Variants in SCEL observed in about 807,000 individuals in gnomAD.
SCEL encodes the protein sciellin.
A neutral mutation model predicts 117.6 loss-of-function variants in SCEL; 113 were observed. That is an observed-to-expected ratio of 0.96 (90% CI 0.83 to 1.12). The LOEUF is 1.12. SCEL is among the 50% of genes most tolerant of loss of function. The pLI, the probability that SCEL is intolerant of heterozygous loss-of-function variation, is 0.00. For missense variants in SCEL, 785 were observed against 810.8 expected (o/e 0.97, Z 0.39); for synonymous variants, 270 against 256.2 (o/e 1.05, Z -0.51).
intron 16 of SCEL, 91 bp from the exon 17 acceptor site, chr13:77,602,563 G>T: frequency 9.2e-7 from 1 of 1,090,646 alleles, no homozygotes; most frequent in South Asian, 1.3e-5. Flanking sequence ...GAAAACACCT[G>T]ACACCACATT....
At chr13:77,605,296 C>T (rs1020653384) in intron 19 of SCEL, among the ~76,000 whole-genome samples, 20 of 152,146 alleles carry the variant, frequency 1.3e-4, no homozygotes, top group African/African-American at 4.8e-4. Context: ...AGCTGGTGTG[C>T]ACACTATCAT....
chr13:77,554,700 G>A (rs1417961850), intron 1 of SCEL, among the ~76,000 whole-genome samples: 1 of 152,152 alleles, frequency 6.6e-6, no homozygotes, highest in Non-Finnish European at 1.5e-5. Flanking sequence ...GAAGTAGATG[G>A]CAGGTTTCAA....
Position 77,589,203 on chromosome 13 carries a change from A to C in SCEL, c.605A>C (p.Asn202Thr), listed in dbSNP as rs759987558. The C allele has an allele frequency of 1.9e-6, 3 of 1,611,818 alleles. No individual in the cohort carries two copies. Among genetic ancestry groups the C allele is most frequent in the Non-Finnish European group, 2.5e-6 (3 of 1,178,008 alleles). ...CCCAGTTCTCCTGTTTCTTCTCCTA[A>C]CCAGCTGAGACAGGATAATAGGTAA... Reference protein sequence around the residue: ...PKPSSPVSSPNQLRQDNRQIH... With the variant: ...PKPSSPVSSPTQLRQDNRQIH... The change falls in exon 10 of 33, where the codon AAC (asparagine) becomes ACC (threonine). Residue 202 changes from asparagine (N) to threonine (T), a missense_variant. Transcript: ENST00000349847.
chr13:77,594,239 G>T (rs182491689), intron 12 of SCEL, among the ~76,000 whole-genome samples: 1 of 152,252 alleles, frequency 6.6e-6, no homozygotes, highest in Admixed American at 6.5e-5. Flanking sequence ...CACTGAACCA[G>T]ATCCACATTG....
chr13:77,636,848 T>G (rs1177038579), intron 29 of SCEL, among the ~76,000 whole-genome samples: 1 of 152,188 alleles, frequency 6.6e-6, no homozygotes, highest in Non-Finnish European at 1.5e-5. Flanking sequence ...CAAGTATAAA[T>G]TTCATGAAAG....
chr13:77,577,412 C>A (rs1390019533), intron 9 of SCEL, among the ~76,000 whole-genome samples: 1 of 152,030 alleles, frequency 6.6e-6, no homozygotes, highest in Non-Finnish European at 1.5e-5. Context: ...GGATGCCAGA[C>A]ACTTATAAAA....
chr13:77,542,192 G>A (rs575817659), intron 1 of SCEL, among the ~76,000 whole-genome samples: 1 of 152,318 alleles, frequency 6.6e-6, no homozygotes, highest in Admixed American at 6.5e-5. Context: ...CACGAGGTCA[G>A]GAGTTAGAGA....
chr13:77,628,083 G>GATTATATATATAAAATATAAT (rs2084547223), intron 28 of SCEL, 74 bp downstream of exon 28: 3 of 346,150 alleles, frequency 8.7e-6, no homozygotes, highest in Admixed American at 4.2e-5. Flanking sequence ...AGCCTTAGAA[G>GATTATATATATAAAATATAAT]ATTATATATA....
intron 11 of SCEL, among the ~76,000 whole-genome samples, chr13:77,592,914 C>T (rs1349608876): frequency 6.6e-6 from 1 of 152,076 alleles, no homozygotes; most frequent in Admixed American, 6.6e-5. Context: ...CTTTTATGAT[C>T]CAGGGATATT....
intron 23 of SCEL, 66 bp downstream of exon 23, chr13:77,613,007 A>T (rs2088775775): frequency 1.1e-6 from 1 of 930,126 alleles, no homozygotes; most frequent in South Asian, 1.6e-5. Context: ...AAATAAGATT[A>T]ATTATTTAAC....
chr13:77,624,886 G>T (rs2089648726), intron 27 of SCEL, among the ~76,000 whole-genome samples: 1 of 152,168 alleles, frequency 6.6e-6, no homozygotes, highest in Admixed American at 6.5e-5. Context: ...GGATAAGGTT[G>T]TAAGAGGTTT....
At chr13:77,602,906 G>A in intron 17 of SCEL, 170 bp from the exon 18 acceptor site, 1 of 620,134 alleles carries the variant, frequency 1.6e-6, no homozygotes, top group Non-Finnish European at 2.7e-6. Flanking sequence ...AAAATCCTAA[G>A]GATTAATTAA....
chr13:77,604,882 AGT>A (rs1396788780), intron 19 of SCEL, among the ~76,000 whole-genome samples: 1 of 151,856 alleles, frequency 6.6e-6, no homozygotes, highest in African/African-American at 2.4e-5. Context: ...TGTGTGTATA[AGT>A]GTGTGTGCGT....
chr13:77,610,267 A>G (rs537732517), intron 22 of SCEL, among the ~76,000 whole-genome samples, 161 bp downstream of exon 22: 1 of 152,162 alleles, frequency 6.6e-6, no homozygotes, highest in African/African-American at 2.4e-5. Context: ...CCTGGCTAAC[A>G]TGGTGAAACC....
At chr13:77,583,165 G>A (rs920767002) in intron 9 of SCEL, among the ~76,000 whole-genome samples, 4 of 152,096 alleles carry the variant, frequency 2.6e-5, no homozygotes, top group Non-Finnish European at 5.9e-5. Flanking sequence ...CTGCAATAGC[G>A]CCACCCTCCC....
intron 30 of SCEL, 71 bp downstream of exon 30, chr13:77,637,265 TATAC>T: frequency 1.3e-5 from 5 of 378,238 alleles, no homozygotes; most frequent in Non-Finnish European, 9.3e-6. Context: ...TATATATATA[TATAC>T]ACACACACAG....
chr13:77,600,770 C>G (rs1469527736), intron 15 of SCEL, among the ~76,000 whole-genome samples: 1 of 152,150 alleles, frequency 6.6e-6, no homozygotes, highest in African/African-American at 2.4e-5. Context: ...TATGAGATCT[C>G]TACTATTTTT....
At chr13:77,607,787 G>A (rs564294956) in intron 19 of SCEL, among the ~76,000 whole-genome samples, 1 of 152,318 alleles carries the variant, frequency 6.6e-6, no homozygotes, top group South Asian at 2.1e-4. Context: ...TAAAAGTAGA[G>A]AGAATCCTAG....
At chr13:77,573,923 G>T (rs1330662592) in intron 9 of SCEL, among the ~76,000 whole-genome samples, 1 of 152,138 alleles carries the variant, frequency 6.6e-6, no homozygotes, top group Non-Finnish European at 1.5e-5. Context: ...TTCGCTATGG[G>T]TGATACCTTT....
Sources: gnomAD v4.1 joint callset for allele counts (sites outside exome capture counted in the v4.1 genomes callset) on GRCh38, gnomAD v4.1.1 for gene constraint, MANE v1.5 for transcripts, NCBI Gene and HGNC (gene_info 2026-07-23, HGNC 2026-07-21) for gene names.